Variants in NOL4 observed in about 807,000 individuals in gnomAD.
NOL4 encodes the protein nucleolar protein 4.
NOL4 carries 17 observed loss-of-function variants against 75.9 expected under a neutral mutation model. The observed-to-expected ratio is 0.22, with a 90% CI of 0.15 to 0.34. The LOEUF (loss-of-function observed/expected upper bound fraction) is 0.34. Ranked by LOEUF, NOL4 falls within the 10% of genes least tolerant of loss-of-function variation. The probability of loss-of-function intolerance (pLI) is 1.00; values close to 1 mark genes in which losing one functional copy is unlikely to be tolerated. For missense variants in NOL4, 614 were observed against 793.5 expected (o/e 0.77, Z 2.72); for synonymous variants, 292 against 289.9 (o/e 1.01, Z -0.07).
intron 1 of NOL4, 42 bp from the exon 2 acceptor site, chr18:34,130,062 A>C (rs1355912331): frequency 1.4e-6 from 2 of 1,463,792 alleles, no homozygotes; most frequent in Non-Finnish European, 1.8e-6. Context: ...TAAGATTAAT[A>C]AACTAATTTG....
intron 1 of NOL4, among the ~76,000 whole-genome samples, chr18:34,165,038 C>A (rs2032135498): frequency 7.1e-6 from 1 of 140,224 alleles, no homozygotes; most frequent in Non-Finnish European, 1.5e-5. Context: ...GGGAATTGAA[C>A]AATGAGAACA....
chr18:34,221,988 C>A, intron 1 of NOL4: 1 of 1,509,434 alleles, frequency 6.6e-7, no homozygotes, highest in Non-Finnish European at 8.9e-7. Context: ...GCCAGATAGC[C>A]TCCCCCATCC....
At chr18:34,148,801 G>C (rs913261739) in intron 1 of NOL4, among the ~76,000 whole-genome samples, 19 of 151,932 alleles carry the variant, frequency 1.3e-4, no homozygotes, top group Admixed American at 7.2e-4. Context: ...GTCTAATATT[G>C]ACAGGGGGGT....
chr18:34,176,672 C>T (rs2033576647), intron 1 of NOL4, among the ~76,000 whole-genome samples: 1 of 151,774 alleles, frequency 6.6e-6, no homozygotes, highest in African/African-American at 2.4e-5. Context: ...AGCATGAGCG[C>T]TCTCTCTCTC....
At chr18:33,927,602 C>T (rs1032782407) in intron 9 of NOL4, among the ~76,000 whole-genome samples, 6 of 152,006 alleles carry the variant, frequency 3.9e-5, no homozygotes, top group African/African-American at 1.5e-4. Flanking sequence ...GGGGTTCTTC[C>T]TGAGGGTGGA....
At chr18:33,860,294 C>T (rs1027915174) in intron 10 of NOL4, among the ~76,000 whole-genome samples, 8 of 152,064 alleles carry the variant, frequency 5.3e-5, no homozygotes, top group African/African-American at 1.9e-4. Flanking sequence ...CCCTACCTCC[C>T]CCCAAATCTC....
chr18:34,172,205 T>G (rs1218269557), intron 1 of NOL4, among the ~76,000 whole-genome samples: 3 of 152,154 alleles, frequency 2.0e-5, no homozygotes, highest in African/African-American at 7.2e-5. Flanking sequence ...CTTGCAGCAT[T>G]ATTTAAAGCA....
At chr18:34,049,146 G>A (rs1161226114) in intron 5 of NOL4, among the ~76,000 whole-genome samples, 1 of 145,710 alleles carries the variant, frequency 6.9e-6, no homozygotes. Context: ...CAGCATCAAC[G>A]TCTGGAGCCT....
At chr18:33,912,153 T>C (rs2066447298) in intron 9 of NOL4, among the ~76,000 whole-genome samples, 1 of 152,120 alleles carries the variant, frequency 6.6e-6, no homozygotes, top group Non-Finnish European at 1.5e-5. Context: ...GATGTCACCC[T>C]ATAGTCAGTT....
At chr18:34,135,446 C>T (rs1196708668) in intron 1 of NOL4, among the ~76,000 whole-genome samples, 2 of 151,916 alleles carry the variant, frequency 1.3e-5, no homozygotes, top group African/African-American at 4.8e-5. Flanking sequence ...TGCCTGTAAT[C>T]CCTGCTCTTT....
chr18:34,208,702 C>CA (rs1193128002), intron 1 of NOL4, among the ~76,000 whole-genome samples: 2,169 of 146,160 alleles, frequency 0.015, 40 homozygotes, highest in African/African-American at 0.041. Flanking sequence ...CTAAAATCAC[C>CA]AAAAAAAAAA....
At chr18:33,897,498 C>A (rs1296297098) in intron 9 of NOL4, among the ~76,000 whole-genome samples, 1 of 152,118 alleles carries the variant, frequency 6.6e-6, no homozygotes, top group Non-Finnish European at 1.5e-5. Context: ...TTATCTTTAG[C>A]AAACTAGCAC....
chr18:34,175,041 A>G (rs952844058), intron 1 of NOL4, among the ~76,000 whole-genome samples: 5 of 152,196 alleles, frequency 3.3e-5, no homozygotes, highest in African/African-American at 7.2e-5. Flanking sequence ...TACTGGGTAT[A>G]TACCCAAAGG....
chr18:34,133,429 T>C (rs1053398554), intron 1 of NOL4, among the ~76,000 whole-genome samples: 1 of 151,638 alleles, frequency 6.6e-6, no homozygotes, highest in African/African-American at 2.4e-5. Context: ...CACATGAAAA[T>C]ATCCAGAACA....
At chr18:34,112,070 G>A (rs2145754057) in intron 2 of NOL4, among the ~76,000 whole-genome samples, 1 of 152,204 alleles carries the variant, frequency 6.6e-6, no homozygotes, top group African/African-American at 2.4e-5. Flanking sequence ...ACAATAGCCA[G>A]GATATGGGGA....
At chr18:34,170,586 G>A (rs932220637) in intron 1 of NOL4, among the ~76,000 whole-genome samples, 5 of 152,126 alleles carry the variant, frequency 3.3e-5, no homozygotes, top group African/African-American at 1.2e-4. Context: ...AATATATTGG[G>A]TTAAATGAAA....
chr18:34,107,412 TAACATA>T, intron 2 of NOL4, among the ~76,000 whole-genome samples: 1 of 152,158 alleles, frequency 6.6e-6, no homozygotes, highest in Non-Finnish European at 1.5e-5. Flanking sequence ...GGTATGGCTC[TAACATA>T]GTACTTGCCA....
chr18:34,059,900 T>C (rs188895318), intron 5 of NOL4, among the ~76,000 whole-genome samples: 220 of 152,088 alleles, frequency 1.4e-3, no homozygotes, highest in Non-Finnish European at 2.6e-3. Context: ...TGGTCTAGTA[T>C]CCCAAATTCA....
At chr18:33,854,158 G>T (rs1240969144) in intron 10 of NOL4, among the ~76,000 whole-genome samples, 1 of 152,048 alleles carries the variant, frequency 6.6e-6, no homozygotes, top group Non-Finnish European at 1.5e-5. Flanking sequence ...TCAGATAATG[G>T]TATTCGTTTC....
Sources: allele counts gnomAD v4.1 joint callset (sites outside exome capture counted in the v4.1 genomes callset), GRCh38; gene constraint gnomAD v4.1.1; transcripts MANE v1.5; gene names NCBI Gene and HGNC (gene_info 2026-07-23, HGNC 2026-07-21).